Variants in ASB9 observed in about 807,000 individuals in gnomAD.
ASB9 encodes the protein ankyrin repeat and SOCS box protein 9.
Under a neutral mutation model 16.6 loss-of-function variants are expected in ASB9, and 5 were observed. That is an observed-to-expected ratio of 0.30 (90% CI 0.16 to 0.63). The LOEUF (loss-of-function observed/expected upper bound fraction) is 0.63. ASB9 is among the 30% of genes least tolerant of loss of function. ASB9 has a pLI of 0.82. For synonymous variants in ASB9, 100 were observed against 86.4 expected (o/e 1.16, Z -0.87); for missense variants, 216 against 229.4 (o/e 0.94, Z 0.38).
intron 2 of ASB9, among the ~76,000 whole-genome samples, chrX:15,257,713 G>C (rs994158561): frequency 9.0e-5 from 10 of 111,480 alleles, no homozygotes; most frequent in Non-Finnish European, 1.7e-4. Context: ...TCAGTTCTTA[G>C]TTTTTAAAAA....
chrX:15,264,809 G>A (rs1289071213), intron 1 of ASB9, among the ~76,000 whole-genome samples: 9 of 111,998 alleles, frequency 8.0e-5, no homozygotes, highest in Admixed American at 4.7e-4. Context: ...CAAAGCAGAC[G>A]GAGAATGACT....
intron 6 of ASB9, among the ~76,000 whole-genome samples, chrX:15,247,638 A>G (rs1367108368): frequency 8.9e-6 from 1 of 112,738 alleles, no homozygotes; most frequent in Non-Finnish European, 1.9e-5. Flanking sequence ...TTTAAAAATT[A>G]AGATATTTTT....
chrX:15,269,810 A>G lies in ASB9; in HGVS notation c.65T>C (p.Ile22Thr). ...CATCAATGGGTTTGAAAGAAGCCTG[A>G]TGCCAGGAAAGTCCCTTGGCCCCGC... is the stretch of plus-strand genomic sequence containing the variant. ...KPAGPRDFPG[I>T]RLLSNPLMGD... Residue 22 changes from isoleucine (I) to threonine (T), a missense_variant, in exon 1 of 7, where the codon ATC becomes ACC. Physicochemically the swap from Ile to Thr is moderately conservative, Grantham distance 89. Coordinates refer to ENST00000380488, the MANE Select transcript of ASB9 (RefSeq NM_001031739.3). 8.3e-7 allele frequency: 1 copy of G among 1,208,496 alleles called. No homozygotes were observed. The highest frequency in any genetic ancestry group is 1.1e-6 in the Non-Finnish European group (1 of 894,033).
chrX:15,250,500 G>GTGGC lies in ASB9; in HGVS notation c.494_497dup (p.His166GlnfsTer12). 8.3e-7 allele frequency: 1 copy of GTGGC among 1,209,452 alleles called. No homozygotes were observed. The highest frequency in any genetic ancestry group is 1.1e-6 in the Non-Finnish European group (1 of 893,349). On this transcript the variant is annotated frameshift_variant, in exon 5 of 7. Coordinates refer to ENST00000380488, the MANE Select transcript of ASB9 (RefSeq NM_001031739.3). LOFTEE classifies it high-confidence loss of function. ...AAGCCAAATAGAGTGGAGTGCCCAGGTGGCTGATCTTATGGTCAATGTTGC... is the reference window on the plus strand; with the variant it reads ...AAGCCAAATAGAGTGGAGTGCCCAGGTGGCTGGCTGATCTTATGGTCAATGTTGC...
intron 6 of ASB9, among the ~76,000 whole-genome samples, chrX:15,246,082 T>C (rs752785003): frequency 1.8e-5 from 2 of 111,751 alleles, no homozygotes; most frequent in South Asian, 7.6e-4. Flanking sequence ...CTAAGGAATG[T>C]TGAAACATGT....
chrX:15,267,752 C>CAAAAAAAAAA (rs76177108), intron 1 of ASB9, among the ~76,000 whole-genome samples: 4 of 83,601 alleles, frequency 4.8e-5, no homozygotes, highest in African/African-American at 1.3e-4. Context: ...TCAAAAAAAA[C>CAAAAAAAAAA]AAAAAAAAAA....
At chrX:15,256,672 G>A (rs1473751312) in intron 2 of ASB9, among the ~76,000 whole-genome samples, 1 of 101,880 alleles carries the variant, frequency 9.8e-6, no homozygotes, top group Non-Finnish European at 2.0e-5. Flanking sequence ...AGCTACTCGG[G>A]AGGCTGAGGC....
chrX:15,269,748 C>T (rs959719222), intron 1 of ASB9, 33 bp downstream of exon 1: 1 of 1,164,008 alleles, frequency 8.6e-7, no homozygotes, highest in Non-Finnish European at 1.2e-6. Context: ...AGCCAACCTC[C>T]CCAGGGCTGA....
At position 15,244,772 on chromosome X, in the gene ASB9, T is replaced by C. The variant is rs913470142; in HGVS notation, c.761-142A>G. 5 of 611,634 alleles carry C rather than the reference T, an allele frequency of 8.2e-6. No individual in the cohort carries two copies. In the Admixed American group the frequency reaches 1.5e-4, roughly 19 times the overall value. The allele number at this position is 611,634 out of a possible 1,213,427, so 50.4% of individuals were successfully genotyped here. On this transcript the variant is annotated intron_variant, in intron 6 of 6. Transcript: ENST00000380488. ...ATTTAAGACCATTTTCTGGGGTTTT[T>C]TTGTAGAAGGCATTTTTAGGCTATG...
intron 1 of ASB9, among the ~76,000 whole-genome samples, chrX:15,263,414 G>A (rs911124438): frequency 3.6e-5 from 4 of 111,085 alleles, no homozygotes; most frequent in Admixed American, 9.6e-5. Flanking sequence ...ACAGAAAGAG[G>A]AGAAAAAGAA....
At chrX:15,253,351 G>A (rs1272384279) in intron 3 of ASB9, among the ~76,000 whole-genome samples, 2 of 111,876 alleles carry the variant, frequency 1.8e-5, no homozygotes, top group African/African-American at 6.5e-5. Context: ...CAGCACTTTG[G>A]GAGACCAAGG....
chrX:15,255,814 G>A (rs1925486910), intron 2 of ASB9, among the ~76,000 whole-genome samples: 1 of 111,678 alleles, frequency 9.0e-6, no homozygotes, highest in Non-Finnish European at 1.9e-5. Flanking sequence ...GTACCTTTTA[G>A]GAAGCCTAAA....
Position 15,248,927 on chromosome X carries a change from C to T in ASB9, c.577G>A (p.Val193Met), listed in dbSNP as rs1924878580. The part of the protein sequence containing the change: ...VKKLLESGAD[V>M]NQGKGQDSPL... Reference sequence around the variant, plus strand: ...GAATCCTGACCTTTCCCTTGGTTCACGTCCGCTCCTAAACAGTCACGAGAA... The same window carrying T: ...GAATCCTGACCTTTCCCTTGGTTCATGTCCGCTCCTAAACAGTCACGAGAA... Residue 193 changes from valine (V) to methionine (M), a missense_variant, in exon 6 of 7, where the codon GTG becomes ATG. Coordinates refer to ENST00000380488, the MANE Select transcript of ASB9 (RefSeq NM_001031739.3). 3 of 1,189,127 alleles carry T rather than the reference C, an allele frequency of 2.5e-6. No individual in the cohort carries two copies. The highest frequency in any genetic ancestry group is 3.4e-6 in the Non-Finnish European group (3 of 882,643).
chrX:15,262,541 TTTGACCTCAGCAGGTATCAGAACAAA>T (rs1402274034), intron 1 of ASB9, among the ~76,000 whole-genome samples: 1 of 112,920 alleles, frequency 8.9e-6, no homozygotes, highest in Non-Finnish European at 1.9e-5. Flanking sequence ...ATACAAGGAC[TTTGACCTCAGCAGGTATCAGAACAAA>T]TGAGTGATTA....
At chrX:15,267,562 G>T in intron 1 of ASB9, among the ~76,000 whole-genome samples, 1 of 87,371 alleles carries the variant, frequency 1.1e-5, no homozygotes, top group Non-Finnish European at 2.2e-5. Flanking sequence ...GGCTAACATG[G>T]TGAAACCCCG....
intron 2 of ASB9, among the ~76,000 whole-genome samples, chrX:15,255,543 T>G (rs149448242): frequency 0.019 from 2,101 of 111,607 alleles, 56 homozygotes; most frequent in African/African-American, 0.064. Context: ...GCCAGCATTG[T>G]GCTATTTTTC....
chrX:15,262,110 A>G (rs1602156841), intron 1 of ASB9, among the ~76,000 whole-genome samples: 6 of 95,277 alleles, frequency 6.3e-5, no homozygotes. Context: ...TGTAGCGTGC[A>G]TCAGTACTTC....
At chrX:15,252,432 C>A in intron 3 of ASB9, 28 bp from the exon 4 acceptor site, 1 of 1,174,724 alleles carries the variant, frequency 8.5e-7, no homozygotes, top group Non-Finnish European at 1.1e-6. Context: ...AGAATGAAGA[C>A]AGGAAGGGGG....
rs1351744696 is a variant in ASB9, at chrX:15,267,473, G to A, written c.94+2308C>T. 6.4e-3 allele frequency among the ~76,000 whole-genome samples: 568 copies of A among 89,330 alleles called. 4 individuals are homozygous for A. The highest frequency in any genetic ancestry group is 0.022 in the African/African-American group (539 of 24,384). 77.6% of individuals were successfully genotyped at this position (89,330 alleles called of 115,157 possible). A position where few individuals can be genotyped will look rare whatever the true frequency, so the allele number is the denominator to read the frequency against. Reference sequence around the variant, plus strand: ...TTCCTTGTAAAAAGTGGCCGGGCGTGGTGGCTCACGCCTGTAATCCCAGCA... The same window carrying A: ...TTCCTTGTAAAAAGTGGCCGGGCGTAGTGGCTCACGCCTGTAATCCCAGCA... On this transcript the variant is annotated intron_variant, in intron 1 of 6. Coordinates refer to ENST00000380488, the MANE Select transcript of ASB9 (RefSeq NM_001031739.3).
Sources: allele counts gnomAD v4.1 joint callset (sites outside exome capture counted in the v4.1 genomes callset), GRCh38; gene constraint gnomAD v4.1.1; transcripts MANE v1.5; gene names NCBI Gene and HGNC (gene_info 2026-07-23, HGNC 2026-07-21).